The following CCDC61 variants were observed in gnomAD, a reference collection of about 807,000 sequenced individuals.
The protein encoded by CCDC61 is coiled-coil domain containing 61, also known as centrosomal protein CCDC61.
Under a neutral mutation model 63.0 loss-of-function variants are expected in CCDC61, and 55 were observed. The observed-to-expected ratio is 0.87, with a 90% CI of 0.70 to 1.09. The LOEUF (loss-of-function observed/expected upper bound fraction) is 1.09, where lower values mean the gene tolerates loss of function less well. CCDC61 is among the 50% of genes least tolerant of loss of function. CCDC61 has a pLI of 0.00. For missense variants in CCDC61, 651 were observed against 731.4 expected, an observed-to-expected ratio of 0.89 and a Z score of 1.27; for synonymous variants, 270 against 317.0, an observed-to-expected ratio of 0.85 and a Z score of 1.58.
chr19:46,016,099 G>A lies in CCDC61; in HGVS notation c.891G>A (p.Arg297=). 8.1e-7 allele frequency: 1 copy of A among 1,237,832 alleles called. No individual in the cohort carries two copies. Among genetic ancestry groups the A allele is most frequent in the Non-Finnish European group, 1.0e-6 (1 of 992,448 alleles). The allele number at this position is 1,237,832 out of a possible 1,614,324, so 76.7% of individuals were successfully genotyped here. Residue 297 remains arginine (R), a synonymous_variant, in exon 8 of 14, where the codon CGG becomes CGA. Transcript: ENST00000595358. This position sits in a 1 kb window ranked among gnomAD's most constrained non-coding sequence, Gnocchi z 7.2. ...PVQPPPTRED[R]ASSSRERSAS... ...AGCCGCCCCCGACGCGGGAGGACCG[G>A]GCCTCATCGTCCCGGGAGCGCTCCG...
Position 46,018,492 on chromosome 19 carries a change from C to A in CCDC61, c.*105C>A. 1 of 842,780 alleles carries A rather than the reference C, an allele frequency of 1.2e-6. No homozygotes were observed. Among genetic ancestry groups the A allele is most frequent in the Non-Finnish European group, 1.9e-6 (1 of 531,942 alleles). 52.2% of individuals were successfully genotyped at this position (842,780 alleles called of 1,614,324 possible). A position where few individuals can be genotyped will look rare whatever the true frequency, so the allele number is the denominator to read the frequency against. On this transcript the variant is annotated 3_prime_UTR_variant, in exon 14 of 14. Coordinates refer to ENST00000595358, the MANE Select transcript of CCDC61 (RefSeq NM_001267723.2). This position sits in a 1 kb window ranked among gnomAD's most constrained non-coding sequence, Gnocchi z 4.2. Reference sequence around the variant, plus strand: ...AGCCCTGCCCAGTCCCTGCCCTGGCCCCGTCCCTCCTGCTGCCCCTGGGGT... The same window carrying A: ...AGCCCTGCCCAGTCCCTGCCCTGGCACCGTCCCTCCTGCTGCCCCTGGGGT...
rs544280977 is a variant in CCDC61, at chr19:46,002,620, T to C, written c.-11-388T>C. On this transcript the variant is annotated intron_variant, in intron 1 of 13. Transcript: ENST00000595358. ...TTAGTAGAGGTGGGGTTTCACCACA[T>C]TGCCCAGGCTGGTCTTGAACTCTTG... Among the ~76,000 whole-genome samples the C allele has an allele frequency of 1.3e-4, 19 of 151,932 alleles. No homozygotes were observed. The South Asian group carries it at 4.0e-3, about 32-fold the overall frequency.
At position 46,015,278 on chromosome 19, in the gene CCDC61, G is replaced by A. The variant is rs1343738358; in HGVS notation, c.762+19G>A. ...CAAGGAGGTGAGCAGCGGGGGCCCG[G>A]GGCGGCCAGCGAGGCGCGGACCTCG... On this transcript the variant is annotated intron_variant, in intron 6 of 13. Coordinates refer to ENST00000595358, the MANE Select transcript of CCDC61 (RefSeq NM_001267723.2). The surrounding 1 kb of genome is among the most constrained non-coding windows in gnomAD (Gnocchi z 5.3). 6.5e-7 allele frequency: 1 copy of A among 1,535,682 alleles called. No homozygotes were observed. Among genetic ancestry groups the A allele is most frequent in the South Asian group, 1.2e-5 (1 of 82,442 alleles).
In CCDC61 at chr19:46,018,144, A is replaced by G; in HGVS notation, c.1435A>G (p.Ile479Val). 7 of 1,605,792 alleles carry G rather than the reference A, an allele frequency of 4.4e-6. No individual in the cohort carries two copies. Among genetic ancestry groups the G allele is most frequent in the South Asian group, 2.2e-5 (2 of 89,134 alleles). The change falls in exon 13 of 14, where the codon ATC (isoleucine) becomes GTC (valine). Residue 479 changes from isoleucine (I) to valine (V), a missense_variant. Ile to Val is a conservative substitution (Grantham distance 29). Transcript: ENST00000595358. This position sits in a 1 kb window ranked among gnomAD's most constrained non-coding sequence, Gnocchi z 4.2. ...SLANSGGWVP[I>V]KEYSSEHQAA... ...GGCCAACTCCGGGGGCTGGGTCCCC[A>G]TCAAAGGTGAGCCTGGGACTCCACA...
rs1220467958 is a variant in CCDC61 at position 46,006,586 on chromosome 19, C to A, written c.259C>A (p.Leu87Met). The A allele has an allele frequency of 6.2e-7, 1 of 1,607,788 alleles. No individual in the cohort carries two copies. Among genetic ancestry groups the A allele is most frequent in the Non-Finnish European group, 8.5e-7 (1 of 1,176,094 alleles). Reference sequence around the variant, plus strand: ...TAGTGAGTCAGTCACCCTGGACCTGCTGACCTACACAGACCTGGAGTCCCT... The same window carrying A: ...TAGTGAGTCAGTCACCCTGGACCTGATGACCTACACAGACCTGGAGTCCCT... ...QSSESVTLDL[L>M]TYTDLESLRN... Residue 87 changes from leucine to methionine, a missense_variant, in exon 4 of 14, where the codon CTG (leucine) becomes ATG (methionine). Coordinates refer to ENST00000595358, the MANE Select transcript of CCDC61 (RefSeq NM_001267723.2).
intron 5 of CCDC61, among the ~76,000 whole-genome samples, 177 bp downstream of exon 5, chr19:46,008,478 G>A (rs572070678): frequency 1.3e-5 from 2 of 152,218 alleles, no homozygotes; most frequent in African/African-American, 4.8e-5. Context: ...GTGCGATCTT[G>A]GCTCACTGCA....
chr19:46,016,172 C>T lies in CCDC61; in HGVS notation c.964C>T (p.Arg322Cys). 3 of 1,304,522 alleles carry T rather than the reference C, an allele frequency of 2.3e-6. No homozygotes were observed. The highest frequency in any genetic ancestry group is 3.1e-5 in the East Asian group (1 of 32,018). 80.8% of individuals were successfully genotyped at this position (1,304,522 alleles called of 1,614,324 possible). ...AARSSSRESGRGSRGRGRPAR... is the reference protein window; with the variant it reads ...AARSSSRESGCGSRGRGRPAR... Reference sequence around the variant, plus strand: ...GCGCTCCTCATCCCGGGAGAGCGGCCGCGGGAGCCGGGGTCGGGGCCGCCC... The same window carrying T: ...GCGCTCCTCATCCCGGGAGAGCGGCTGCGGGAGCCGGGGTCGGGGCCGCCC... Residue 322 changes from arginine (R) to cysteine (C), a missense_variant, in exon 8 of 14, where the codon CGC becomes TGC. Physicochemically the swap from Arg to Cys is radical, Grantham distance 180. Transcript: ENST00000595358. This position sits in a 1 kb window ranked among gnomAD's most constrained non-coding sequence, Gnocchi z 7.2.
chr19:46,002,652 A>AGTGTGGAGCTCCGGACATCAG (rs1395176030), intron 1 of CCDC61, among the ~76,000 whole-genome samples: 5 of 151,444 alleles, frequency 3.3e-5, no homozygotes, highest in Non-Finnish European at 5.9e-5. Context: ...CTTGAGCTCA[A>AGTGTGGAGCTCCGGACATCAG]GTGATCCTCC....
chr19:46,013,651 G>T (rs1968869790), intron 5 of CCDC61, among the ~76,000 whole-genome samples: 1 of 151,894 alleles, frequency 6.6e-6, no homozygotes, highest in African/African-American at 2.4e-5. Flanking sequence ...GGCAGATCAT[G>T]AGGTCAGGAG....
chr19:46,006,671 A>C lies in CCDC61; in HGVS notation c.344A>C (p.Asn115Thr). The change falls in exon 4 of 14, where the codon AAC (asparagine) becomes ACC (threonine). Residue 115 changes from asparagine to threonine, a missense_variant. Asn to Thr is a moderately conservative substitution (Grantham distance 65). Coordinates refer to ENST00000595358, the MANE Select transcript of CCDC61 (RefSeq NM_001267723.2). Reference protein sequence around the residue: ...GSLAPRSAQLNSKRYLILIYS... With the variant: ...GSLAPRSAQLTSKRYLILIYS... ...TTGGCCCCCAGGTCGGCCCAGCTCA[A>C]CTCCAAGCGCTACCTGATCCTCATC... 1 of 1,613,466 alleles carries C rather than the reference A, an allele frequency of 6.2e-7. No homozygotes were observed. Among genetic ancestry groups the C allele is most frequent in the South Asian group, 1.1e-5 (1 of 91,008 alleles).
chr19:46,017,000 T>A lies in CCDC61; in HGVS notation c.1241T>A (p.Phe414Tyr). The change falls in exon 11 of 14, where the codon TTC becomes TAC. Residue 414 changes from phenylalanine (F) to tyrosine (Y), a missense_variant. Transcript: ENST00000595358. This position sits in a 1 kb window ranked among gnomAD's most constrained non-coding sequence, Gnocchi z 7.2. ...SRNRSSSVDS[F>Y]RSRCSSASSC... ...CTCCGTCTCCCTCTAGTGGACAGTT[T>A]CCGCAGCCGCTGCTCGTCTGCCAGC... The A allele has an allele frequency of 1.2e-6, 2 of 1,611,476 alleles. No individual in the cohort carries two copies. The highest frequency in any genetic ancestry group is 1.7e-6 in the Non-Finnish European group (2 of 1,178,958).
At chr19:46,001,641 C>A (rs931697044) in intron 1 of CCDC61, among the ~76,000 whole-genome samples, 1 of 152,282 alleles carries the variant, frequency 6.6e-6, no homozygotes, top group South Asian at 2.1e-4. Context: ...CCAAAGCACT[C>A]TTCTCCCAAA....
rs1027530022 is a variant in CCDC61 at position 46,015,055 on chromosome 19, G to C, written c.558G>C (p.Ser186=). The change falls in exon 6 of 14, where the codon TCG becomes TCC. Residue 186 remains serine, a synonymous_variant. Transcript: ENST00000595358. This position sits in a 1 kb window ranked among gnomAD's most constrained non-coding sequence, Gnocchi z 5.3. ...NEIWHLREQV[S]RLASEKRELE... Reference sequence around the variant, plus strand: ...CTCTCCGCGTCTTCCCCAGGGTGTCGCGCCTGGCGTCCGAGAAGCGGGAGC... The same window carrying C: ...CTCTCCGCGTCTTCCCCAGGGTGTCCCGCCTGGCGTCCGAGAAGCGGGAGC... The C allele has an allele frequency of 1.6e-5, 24 of 1,474,710 alleles. No homozygotes were observed. The highest frequency in any genetic ancestry group is 2.0e-5 in the Non-Finnish European group (22 of 1,116,898). 91.4% of individuals were successfully genotyped at this position (1,474,710 alleles called of 1,614,324 possible).
At chr19:45,996,589 G>A (rs1006179972) in intron 1 of CCDC61, among the ~76,000 whole-genome samples, 2 of 152,146 alleles carry the variant, frequency 1.3e-5, no homozygotes, top group Non-Finnish European at 2.9e-5. Flanking sequence ...TAGTAGAGAA[G>A]GGGTTTCACT....
At chr19:46,004,933 G>A (rs1968673440) in intron 3 of CCDC61, among the ~76,000 whole-genome samples, 3 of 148,356 alleles carry the variant, frequency 2.0e-5, no homozygotes, top group African/African-American at 7.5e-5. Context: ...CCGCGTCTCG[G>A]GTTCAAGTGA....
Position 46,016,606 on chromosome 19 carries a change from G to A in CCDC61, c.1092-88G>A. ...AGGCCTGTCACCTCAGGCTTTCGCT[G>A]GCGTGGCTGTGACCTTTAGGGGCGC... On this transcript the variant is annotated intron_variant, in intron 9 of 13. Transcript: ENST00000595358. This position sits in a 1 kb window ranked among gnomAD's most constrained non-coding sequence, Gnocchi z 7.2. 1 of 1,558,140 alleles carries A rather than the reference G, an allele frequency of 6.4e-7. No individual in the cohort carries two copies. The highest frequency in any genetic ancestry group is 8.7e-7 in the Non-Finnish European group (1 of 1,149,442).
intron 3 of CCDC61, 68 bp from the exon 4 acceptor site, chr19:46,006,490 TG>T: frequency 7.1e-7 from 1 of 1,400,202 alleles, no homozygotes; most frequent in Non-Finnish European, 9.5e-7. Flanking sequence ...GTGGCCCAGG[TG>T]TGTGCTAGGT....
At position 46,016,870 on chromosome 19, in the gene CCDC61, G is replaced by A. The variant is rs1441461125; in HGVS notation, c.1231+37G>A. 2 of 1,508,370 alleles carry A rather than the reference G, an allele frequency of 1.3e-6. No individual in the cohort carries two copies. Among genetic ancestry groups the A allele is most frequent in the East Asian group, 2.5e-5 (1 of 40,598 alleles). 93.4% of individuals were successfully genotyped at this position (1,508,370 alleles called of 1,614,324 possible). ...GGAGCTGGGGGCTGCCGGGCTAGGC[G>A]GGACTGGGCGGGGCTGGGCGGGCTG... On this transcript the variant is annotated intron_variant, in intron 10 of 13. Coordinates refer to ENST00000595358, the MANE Select transcript of CCDC61 (RefSeq NM_001267723.2). This position sits in a 1 kb window ranked among gnomAD's most constrained non-coding sequence, Gnocchi z 7.2.
chr19:46,011,122 T>C lies in CCDC61; in HGVS notation c.551+2821T>C, dbSNP rs190745835. Reference sequence around the variant, plus strand: ...TGGAGTGTGGTGGTACGATCTTGGCTCGCTGTGTCCTTACCTCCTGGGCTC... The same window carrying C: ...TGGAGTGTGGTGGTACGATCTTGGCCCGCTGTGTCCTTACCTCCTGGGCTC... On this transcript the variant is annotated intron_variant, in intron 5 of 13. Transcript: ENST00000595358. Among the ~76,000 whole-genome samples, 752 of 151,330 alleles carry C rather than the reference T, an allele frequency of 5.0e-3. 4 individuals are homozygous for C. Among genetic ancestry groups the C allele is most frequent in the Non-Finnish European group, 6.3e-3 (426 of 67,954 alleles).
Sources: allele counts gnomAD v4.1 joint callset (sites outside exome capture counted in the v4.1 genomes callset), GRCh38; gene constraint gnomAD v4.1.1; non-coding constraint Gnocchi (gnomAD v3.1); transcripts MANE v1.5; gene names NCBI Gene and HGNC (gene_info 2026-07-23, HGNC 2026-07-21).